COL4A6: variants seen among roughly 807,000 people sequenced by gnomAD.
COL4A6 encodes collagen alpha-6(IV) chain.
Under a neutral mutation model 126.7 loss-of-function variants are expected in COL4A6, and 59 were observed. The observed-to-expected ratio is 0.47, with a 90% confidence interval of 0.38 to 0.58. The LOEUF is 0.58. Among genes scored for constraint, COL4A6 ranks in the 20% least tolerant of loss-of-function variants. The probability of loss-of-function intolerance (pLI) is 0.00; values close to 1 mark genes in which losing one functional copy is unlikely to be tolerated. For missense variants in COL4A6, 1,285 were observed against 1,337.3 expected, an observed-to-expected ratio of 0.96 and a Z score of 0.61; for synonymous variants, 547 against 496.6, an observed-to-expected ratio of 1.10 and a Z score of -1.35.
chrX:108,261,853 CATTT>C (rs1229870309), intron 3 of COL4A6, among the ~76,000 whole-genome samples: 3 of 111,874 alleles, frequency 2.7e-5, no homozygotes, highest in African/African-American at 9.7e-5. Flanking sequence ...TTGTTCTTGG[CATTT>C]ACAATTAAAA....
At chrX:108,160,365 C>G in intron 43 of COL4A6, 98 bp downstream of exon 43, 1 of 871,014 alleles carries the variant, frequency 1.1e-6, no homozygotes, top group Non-Finnish European at 1.6e-6. Context: ...ACTCACTACA[C>G]AACAGTGGAC....
chrX:108,218,296 AG>A (rs2148251494), intron 5 of COL4A6, among the ~76,000 whole-genome samples: 1 of 112,625 alleles, frequency 8.9e-6, no homozygotes, highest in South Asian at 3.7e-4. Flanking sequence ...GGCTCCCAGA[AG>A]ATACACAGTC....
rs2037208305 is a variant in COL4A6, at chrX:108,263,055, G to A, written c.145-41681C>T. On this transcript the variant is annotated intron_variant, in intron 3 of 44. Transcript: ENST00000334504. ...GTTTACTAAGTCCAGGATAATTCATGAGACCACCACAAACATCATGAATGA... is the reference window on the plus strand; with the variant it reads ...GTTTACTAAGTCCAGGATAATTCATAAGACCACCACAAACATCATGAATGA... 2.7e-5 allele frequency among the ~76,000 whole-genome samples: 3 copies of A among 111,235 alleles called. No individual in the cohort carries two copies. In the South Asian group the frequency reaches 1.1e-3, roughly 42 times the overall value.
intron 2 of COL4A6, among the ~76,000 whole-genome samples, chrX:108,351,739 G>T (rs1029654427): frequency 9.1e-6 from 1 of 109,686 alleles, no homozygotes; most frequent in Non-Finnish European, 1.9e-5. Flanking sequence ...CAATAAAAAG[G>T]TTATTTTCAG....
intron 36 of COL4A6, 30 bp downstream of exon 36, chrX:108,169,915 C>T (rs765455810): frequency 3.2e-5 from 37 of 1,142,222 alleles, no homozygotes; most frequent in Non-Finnish European, 4.2e-5. Context: ...GAGCTGATGC[C>T]CTCCTCTTCA....
chrX:108,421,040 G>T (rs1000212604), intron 2 of COL4A6, among the ~76,000 whole-genome samples: 3 of 112,141 alleles, frequency 2.7e-5, no homozygotes, highest in African/African-American at 9.7e-5. Context: ...TTACCTAAAT[G>T]ATTTTCTCCT....
At chrX:108,192,718 T>C (rs779180942) in intron 17 of COL4A6, 138 bp from the exon 18 acceptor site, 5 of 447,669 alleles carry the variant, frequency 1.1e-5, no homozygotes, top group Non-Finnish European at 2.0e-5. Flanking sequence ...CTAATGCTAA[T>C]GGCCTCACAT....
At chrX:108,236,510 CCTACTCCAGTAACTATTCTG>C (rs1437386575) in intron 3 of COL4A6, among the ~76,000 whole-genome samples, 2 of 111,572 alleles carry the variant, frequency 1.8e-5, no homozygotes, top group Non-Finnish European at 3.8e-5. Flanking sequence ...CCCTTGGGAC[CCTACTCCAGTAACTATTCTG>C]GACTGGTTGC....
chrX:108,240,724 T>TC (rs1318242147), intron 3 of COL4A6, among the ~76,000 whole-genome samples: 13 of 112,376 alleles, frequency 1.2e-4, no homozygotes, highest in Non-Finnish European at 2.4e-4. Context: ...TCAGAATGCT[T>TC]TGAAAATTAC....
intron 23 of COL4A6, 68 bp from the exon 24 acceptor site, chrX:108,181,036 C>T (rs1602742146): frequency 1.1e-6 from 1 of 925,909 alleles, no homozygotes; most frequent in East Asian, 3.2e-5. Context: ...TAGTACGCTC[C>T]TTTACTTCTA....
chrX:108,367,393 C>T (rs944712410), intron 2 of COL4A6, among the ~76,000 whole-genome samples: 6 of 111,519 alleles, frequency 5.4e-5, no homozygotes, highest in Admixed American at 9.5e-5. Context: ...CACTCTTACA[C>T]TTACTCTGAA....
intron 2 of COL4A6, among the ~76,000 whole-genome samples, chrX:108,406,280 G>GT (rs1486566652): frequency 8.9e-6 from 1 of 111,794 alleles, no homozygotes; most frequent in Non-Finnish European, 1.9e-5. Flanking sequence ...CCATGAATCT[G>GT]TTTTTTCCAC....
chrX:108,211,419 CTGTT>C (rs1181808825), intron 7 of COL4A6, among the ~76,000 whole-genome samples: 5 of 113,115 alleles, frequency 4.4e-5, no homozygotes, highest in African/African-American at 6.4e-5. Context: ...CCCATGCAAA[CTGTT>C]TGTTTGCTGA....
At position 108,235,731 on chromosome X, in the gene COL4A6, G is replaced by A. The variant is rs181523937; in HGVS notation, c.145-14357C>T. ...CTGCCCAACTGTTTCCTTAGAGTTTGTAGCAATGAAAACACTTTAAACAAA... is the reference window on the plus strand; with the variant it reads ...CTGCCCAACTGTTTCCTTAGAGTTTATAGCAATGAAAACACTTTAAACAAA... On this transcript the variant is annotated intron_variant, in intron 3 of 44. Coordinates refer to ENST00000334504, the MANE Select transcript of COL4A6 (RefSeq NM_033641.4). Among the ~76,000 whole-genome samples, 760 of 111,600 alleles carry A rather than the reference G, an allele frequency of 6.8e-3. 3 individuals carry two copies. Among genetic ancestry groups the A allele is most frequent in the African/African-American group, 0.023 (709 of 30,712 alleles).
At chrX:108,328,286 T>G (rs1171367640) in intron 2 of COL4A6, among the ~76,000 whole-genome samples, 1 of 110,581 alleles carries the variant, frequency 9.0e-6, no homozygotes, top group Non-Finnish European at 1.9e-5. Context: ...AAGCAGACAT[T>G]GCAGACATTT....
intron 13 of COL4A6, among the ~76,000 whole-genome samples, chrX:108,196,932 T>C (rs1453629487): frequency 8.9e-6 from 1 of 112,019 alleles, no homozygotes; most frequent in Non-Finnish European, 1.9e-5. Flanking sequence ...GAGAAAGCCA[T>C]ATCTTGTGTT....
At chrX:108,177,977 C>T in intron 27 of COL4A6, among the ~76,000 whole-genome samples, 1 of 112,004 alleles carries the variant, frequency 8.9e-6, no homozygotes, top group Middle Eastern at 4.6e-3. Flanking sequence ...GGGTGTTAGT[C>T]TGTGAGCTTG....
intron 3 of COL4A6, among the ~76,000 whole-genome samples, chrX:108,283,036 T>G (rs1056512494): frequency 1.8e-4 from 18 of 98,954 alleles, no homozygotes; most frequent in African/African-American, 6.2e-4. Flanking sequence ...TTAGGAGATA[T>G]ACCTAATGCT....
At chrX:108,298,387 A>G (rs1285473644) in intron 3 of COL4A6, among the ~76,000 whole-genome samples, 5 of 112,189 alleles carry the variant, frequency 4.5e-5, no homozygotes. Context: ...GTCCAGGGCT[A>G]CCTTGGCAGC....
Sources: gnomAD v4.1 joint callset for allele counts (sites outside exome capture counted in the v4.1 genomes callset) on GRCh38, gnomAD v4.1.1 for gene constraint, MANE v1.5 for transcripts, NCBI Gene and HGNC (gene_info 2026-07-23, HGNC 2026-07-21) for gene names.